The following RBMS1 variants were observed in gnomAD, a reference collection of about 807,000 sequenced individuals.
RBMS1 encodes RNA binding motif single stranded interacting protein 1.
RBMS1 carries 17 observed loss-of-function variants against 62.3 expected under a neutral mutation model. That is an observed-to-expected ratio of 0.27 (90% CI 0.19 to 0.41). The LOEUF (loss-of-function observed/expected upper bound fraction) is 0.41. Among genes scored for constraint, RBMS1 ranks in the 10% least tolerant of loss-of-function variants. The pLI, the probability that RBMS1 is intolerant of heterozygous loss-of-function variation, is 1.00. For missense variants in RBMS1, 334 were observed against 504.5 expected (o/e 0.66, Z 3.24); for synonymous variants, 172 against 170.0 (o/e 1.01, Z -0.09).
At chr2:160,486,515 CTGTT>C (rs1685606458) in intron 1 of RBMS1, among the ~76,000 whole-genome samples, 1 of 152,136 alleles carries the variant, frequency 6.6e-6, no homozygotes. Flanking sequence ...CCTGAAATCA[CTGTT>C]TATCTGGGAC....
intron 2 of RBMS1, among the ~76,000 whole-genome samples, chr2:160,342,374 C>T (rs1691917620): frequency 6.6e-6 from 1 of 152,088 alleles, no homozygotes; most frequent in Non-Finnish European, 1.5e-5. Context: ...GTCAAGTCTC[C>T]TCTTAAGACT....
intron 2 of RBMS1, among the ~76,000 whole-genome samples, chr2:160,343,501 A>C (rs1326567787): frequency 6.6e-6 from 1 of 152,124 alleles, no homozygotes; most frequent in African/African-American, 2.4e-5. Context: ...TTCATTATTA[A>C]GCCTATCGGA....
chr2:160,343,415 T>C (rs77910281), intron 2 of RBMS1, among the ~76,000 whole-genome samples: 1,662 of 152,284 alleles, frequency 0.011, 42 homozygotes, highest in African/African-American at 0.037. Flanking sequence ...TGCTGTCTTA[T>C]TGTAGCCAAA....
At chr2:160,417,495 A>G (rs1016442252) in intron 1 of RBMS1, among the ~76,000 whole-genome samples, 10 of 152,338 alleles carry the variant, frequency 6.6e-5, no homozygotes, top group African/African-American at 1.9e-4. Context: ...GAGAAGTATC[A>G]CACTCATCTC....
intron 4 of RBMS1, among the ~76,000 whole-genome samples, chr2:160,305,818 T>TA (rs1261810830): frequency 2.0e-5 from 3 of 152,026 alleles, no homozygotes; most frequent in Non-Finnish European, 4.4e-5. Context: ...AGATATGGTA[T>TA]AAAAAATGTT....
At chr2:160,473,797 T>C (rs1387053085) in intron 1 of RBMS1, among the ~76,000 whole-genome samples, 2 of 152,208 alleles carry the variant, frequency 1.3e-5, no homozygotes, top group African/African-American at 4.8e-5. Context: ...GCAAATAAAG[T>C]TTGACTACTT....
intron 2 of RBMS1, among the ~76,000 whole-genome samples, chr2:160,348,879 T>C (rs971308177): frequency 6.6e-6 from 1 of 152,182 alleles, no homozygotes; most frequent in African/African-American, 2.4e-5. Context: ...GTATAACTTA[T>C]TTCTTGACTA....
At chr2:160,432,075 T>G (rs1251821271) in intron 1 of RBMS1, among the ~76,000 whole-genome samples, 1 of 152,178 alleles carries the variant, frequency 6.6e-6, no homozygotes, top group Non-Finnish European at 1.5e-5. Flanking sequence ...TGAACATGAA[T>G]CTATTATATT....
At chr2:160,287,648 T>G (rs1301529195) in intron 6 of RBMS1, among the ~76,000 whole-genome samples, 1 of 152,240 alleles carries the variant, frequency 6.6e-6, no homozygotes, top group Non-Finnish European at 1.5e-5. Flanking sequence ...GCAGTAACAT[T>G]GTCTGTTTTG....
intron 1 of RBMS1, among the ~76,000 whole-genome samples, chr2:160,402,284 A>G (rs560835243): frequency 1.1e-4 from 16 of 152,356 alleles, no homozygotes; most frequent in Admixed American, 5.2e-4. Context: ...GGAAGCATGG[A>G]CCAAATGGTT....
intron 1 of RBMS1, among the ~76,000 whole-genome samples, chr2:160,423,127 G>A (rs1696498845): frequency 6.6e-6 from 1 of 152,084 alleles, no homozygotes; most frequent in African/African-American, 2.4e-5. Flanking sequence ...GATTTCGAAT[G>A]AACTTCTCTA....
At chr2:160,450,752 A>G (rs148419041) in intron 1 of RBMS1, among the ~76,000 whole-genome samples, 1 of 152,116 alleles carries the variant, frequency 6.6e-6, no homozygotes, top group East Asian at 1.9e-4. Context: ...GAAGATAAAG[A>G]TACAGACTGA....
At chr2:160,309,605 C>T (rs1689735309) in intron 4 of RBMS1, among the ~76,000 whole-genome samples, 1 of 152,184 alleles carries the variant, frequency 6.6e-6, no homozygotes, top group Non-Finnish European at 1.5e-5. Context: ...TATTCTTTCA[C>T]TTCAAGGAGC....
At chr2:160,420,377 G>A (rs920430932) in intron 1 of RBMS1, among the ~76,000 whole-genome samples, 1 of 152,086 alleles carries the variant, frequency 6.6e-6, no homozygotes, top group Non-Finnish European at 1.5e-5. Context: ...TTGAAATCAT[G>A]CCTCATGGTC....
At chr2:160,389,170 C>A (rs1359398797) in intron 1 of RBMS1, among the ~76,000 whole-genome samples, 1 of 152,208 alleles carries the variant, frequency 6.6e-6, no homozygotes, top group Admixed American at 6.5e-5. Context: ...GTATACCTAA[C>A]TTCACACCCT....
intron 1 of RBMS1, among the ~76,000 whole-genome samples, chr2:160,383,176 A>G (rs1340286570): frequency 1.3e-5 from 2 of 152,154 alleles, no homozygotes; most frequent in East Asian, 3.9e-4. Flanking sequence ...GGGTGTTAGC[A>G]GGTTAACATT....
intron 2 of RBMS1, among the ~76,000 whole-genome samples, chr2:160,344,031 G>A (rs1003620987): frequency 3.3e-5 from 5 of 152,066 alleles, no homozygotes; most frequent in Admixed American, 2.0e-4. Context: ...TTTCACTGGT[G>A]TGCAAGATTA....
At chr2:160,374,766 C>T (rs1693905472) in intron 1 of RBMS1, among the ~76,000 whole-genome samples, 1 of 152,048 alleles carries the variant, frequency 6.6e-6, no homozygotes, top group South Asian at 2.1e-4. Context: ...CCTGTCTCTA[C>T]TAAAAATGCA....
chr2:160,294,615 T>TTG lies in RBMS1; in HGVS notation c.640+6034_640+6035dup, dbSNP rs368139814. Among the ~76,000 whole-genome samples the TTG allele has an allele frequency of 3.0e-4, 46 of 152,322 alleles. 1 individual carries two copies. Among genetic ancestry groups the TTG allele is most frequent in the African/African-American group, 1.1e-3 (46 of 41,572 alleles). ...ATTTTGAGAAAGTATCTTTCGGGAA[T>TTG]TGTGTCTAACGTGGGTTTCTTTTCT... On this transcript the variant is annotated intron_variant, in intron 6 of 13. Transcript: ENST00000348849.
Sources: allele counts gnomAD v4.1 joint callset (sites outside exome capture counted in the v4.1 genomes callset), GRCh38; gene constraint gnomAD v4.1.1; transcripts MANE v1.5; gene names NCBI Gene and HGNC (gene_info 2026-07-23, HGNC 2026-07-21).